TCAIM: variants seen among roughly 807,000 people sequenced by gnomAD.
TCAIM encodes T cell activation inhibitor, mitochondrial, also known as T-cell activation inhibitor, mitochondrial.
Under a neutral mutation model 58.6 loss-of-function variants are expected in TCAIM, and 36 were observed. The ratio of observed to expected loss-of-function variants is 0.61; its 90% CI spans 0.47 to 0.81. The LOEUF (loss-of-function observed/expected upper bound fraction) is 0.81, where lower values mean the gene tolerates loss of function less well. Among genes scored for constraint, TCAIM ranks in the 30% least tolerant of loss-of-function variants. The probability of loss-of-function intolerance (pLI) is 0.00; values close to 1 mark genes in which losing one functional copy is unlikely to be tolerated. For missense variants in TCAIM, 466 were observed against 579.6 expected (o/e 0.80, Z 2.01); for synonymous variants, 172 against 193.6 (o/e 0.89, Z 0.93).
intron 2 of TCAIM, among the ~76,000 whole-genome samples, chr3:44,355,665 A>G (rs1005658798): frequency 2.6e-5 from 4 of 152,228 alleles, no homozygotes; most frequent in Non-Finnish European, 5.9e-5. Context: ...TTACTAACTG[A>G]TAGTGAATGG....
chr3:44,367,418 C>A, intron 4 of TCAIM, 38 bp from the exon 5 acceptor site: 9 of 1,538,272 alleles, frequency 5.9e-6, no homozygotes, highest in South Asian at 1.3e-5. Flanking sequence ...AGCAAATAAT[C>A]ATCTGTATTA....
At chr3:44,369,984 T>TA (rs1308140317) in intron 5 of TCAIM, among the ~76,000 whole-genome samples, 1 of 152,248 alleles carries the variant, frequency 6.6e-6, no homozygotes, top group Non-Finnish European at 1.5e-5. Context: ...GTGCTTCTGT[T>TA]AATTTCATTA....
At chr3:44,345,421 G>C (rs1444597744) in intron 1 of TCAIM, among the ~76,000 whole-genome samples, 1 of 152,186 alleles carries the variant, frequency 6.6e-6, no homozygotes, top group East Asian at 1.9e-4. Context: ...ATAATTACTT[G>C]CTTGGTTGGC....
intron 5 of TCAIM, among the ~76,000 whole-genome samples, chr3:44,376,010 C>T (rs1021991976): frequency 1.3e-5 from 2 of 152,194 alleles, no homozygotes; most frequent in African/African-American, 2.4e-5. Context: ...GAATGAAGTA[C>T]TGATACTTAC....
Position 44,357,863 on chromosome 3 carries a change from AC to A in TCAIM, c.156del (p.Val53Ter), listed in dbSNP as rs1298004005. ...GTACATCCAGATTTCTTTGGACAGC[AC>A]CCCGTAGAAAGGGTAAACATTTATT... is the stretch of plus-strand genomic sequence containing the variant. The part of the protein sequence containing the change: ...FAVHPDFFGQ[H>X]PVEREINENS... On this transcript the variant is annotated frameshift_variant, in exon 3 of 11. Coordinates refer to ENST00000342649, the MANE Select transcript of TCAIM (RefSeq NM_173826.4). LOFTEE classifies it high-confidence loss of function. 6.2e-7 allele frequency: 1 copy of A among 1,613,932 alleles called. No individual in the cohort carries two copies. Among genetic ancestry groups the A allele is most frequent in the East Asian group, 2.2e-5 (1 of 44,870 alleles).
intron 6 of TCAIM, 55 bp from the exon 7 acceptor site, chr3:44,396,345 C>A: frequency 1.3e-6 from 2 of 1,505,838 alleles, no homozygotes; most frequent in Non-Finnish European, 1.8e-6. Flanking sequence ...GGTGGGTGCT[C>A]GCTCCGTCTT....
chr3:44,378,458 A>G (rs1701601895), intron 5 of TCAIM, among the ~76,000 whole-genome samples: 1 of 152,002 alleles, frequency 6.6e-6, no homozygotes, highest in African/African-American at 2.4e-5. Flanking sequence ...ATGAACAGAC[A>G]CTTTTCAAAA....
Position 44,400,335 on chromosome 3 carries a change from T to C in TCAIM, c.886-20T>C. ...AGTAACATAAAACTAATTATTTCTT[T>C]CCCTTTGTTAACACTGTAGCTTTTT... On this transcript the variant is annotated intron_variant, in intron 8 of 10. Transcript: ENST00000342649. 1 of 1,564,826 alleles carries C rather than the reference T, an allele frequency of 6.4e-7. No homozygotes were observed. The highest frequency in any genetic ancestry group is 1.1e-5 in the South Asian group (1 of 87,054).
At chr3:44,386,209 C>CAAAAA (rs10576012) in intron 5 of TCAIM, among the ~76,000 whole-genome samples, 17 of 54,938 alleles carry the variant, frequency 3.1e-4, no homozygotes, top group East Asian at 1.1e-3. Context: ...CCAGAAGCTC[C>CAAAAA]AAAAAAAAAA....
At chr3:44,379,750 T>C (rs1322626400) in intron 5 of TCAIM, among the ~76,000 whole-genome samples, 4 of 151,686 alleles carry the variant, frequency 2.6e-5, no homozygotes, top group Non-Finnish European at 5.9e-5. Flanking sequence ...AGGGGAAGGG[T>C]GTTTCTAACT....
At chr3:44,394,124 A>G (rs549547379) in intron 6 of TCAIM, among the ~76,000 whole-genome samples, 8 of 152,146 alleles carry the variant, frequency 5.3e-5, no homozygotes, top group East Asian at 1.9e-4. Context: ...TTTTTCTTAT[A>G]TTAAAACAAA....
At chr3:44,407,018 C>A (rs1032615058) in intron 10 of TCAIM, among the ~76,000 whole-genome samples, 1 of 152,156 alleles carries the variant, frequency 6.6e-6, no homozygotes, top group Non-Finnish European at 1.5e-5. Flanking sequence ...TCCTGGTTTT[C>A]TGTGAGCCTG....
At chr3:44,358,276 G>T in intron 3 of TCAIM, 1 of 1,136,068 alleles carries the variant, frequency 8.8e-7, no homozygotes. Flanking sequence ...GCATGCTGCT[G>T]GACCACTCCC....
chr3:44,354,753 C>T lies in TCAIM; in HGVS notation c.-30C>T. ...TAACTTTTAAGCAATTAATGGATGC[C>T]TCGAAGTTGACGTACATATATATTC... is the stretch of plus-strand genomic sequence containing the variant. On this transcript the variant is annotated 5_prime_UTR_variant, in exon 2 of 11. Transcript: ENST00000342649. 1 of 1,599,630 alleles carries T rather than the reference C, an allele frequency of 6.3e-7. No individual in the cohort carries two copies. Among genetic ancestry groups the T allele is most frequent in the Non-Finnish European group, 8.5e-7 (1 of 1,175,920 alleles).
chr3:44,343,583 C>G (rs1269973932), intron 1 of TCAIM, among the ~76,000 whole-genome samples: 2 of 152,172 alleles, frequency 1.3e-5, no homozygotes, highest in African/African-American at 2.4e-5. Flanking sequence ...TAACACATCT[C>G]TATTTAGACT....
intron 9 of TCAIM, 110 bp downstream of exon 9, chr3:44,400,697 G>GA: frequency 2.1e-6 from 2 of 931,540 alleles, no homozygotes; most frequent in Non-Finnish European, 3.2e-6. Context: ...AGGAATTAAA[G>GA]AAAAAAATGC....
intron 5 of TCAIM, among the ~76,000 whole-genome samples, chr3:44,390,012 C>T (rs1701808672): frequency 6.6e-6 from 1 of 152,188 alleles, no homozygotes; most frequent in Non-Finnish European, 1.5e-5. Flanking sequence ...TCACATACTA[C>T]CTGTTCTACA....
chr3:44,346,186 T>C (rs1014489333), intron 1 of TCAIM, among the ~76,000 whole-genome samples: 4 of 152,202 alleles, frequency 2.6e-5, no homozygotes, highest in African/African-American at 9.7e-5. Context: ...CGTTTTACCT[T>C]TTCCGAAGAT....
intron 8 of TCAIM, 110 bp downstream of exon 8, chr3:44,396,944 G>A: frequency 4.0e-6 from 4 of 994,498 alleles, no homozygotes; most frequent in Non-Finnish European, 5.8e-6. Flanking sequence ...TTTTGTTTTT[G>A]TTTTTTAATG....
Sources: gnomAD v4.1 joint callset for allele counts (sites outside exome capture counted in the v4.1 genomes callset) on GRCh38, gnomAD v4.1.1 for gene constraint, MANE v1.5 for transcripts, NCBI Gene and HGNC (gene_info 2026-07-23, HGNC 2026-07-21) for gene names.